TRIM8: variants seen among roughly 807,000 people sequenced by gnomAD.
The protein encoded by TRIM8 is E3 ubiquitin-protein ligase TRIM8.
A neutral mutation model predicts 55.7 loss-of-function variants in TRIM8; 9 were observed. That is an observed-to-expected ratio of 0.16 (90% CI 0.10 to 0.28). The LOEUF (loss-of-function observed/expected upper bound fraction) is 0.28, where lower values mean the gene tolerates loss of function less well. Ranked by LOEUF, TRIM8 falls within the 10% of genes least tolerant of loss-of-function variation. The pLI is 1.00. For synonymous variants in TRIM8, 335 were observed against 333.3 expected (o/e 1.01, Z -0.06); for missense variants, 556 against 736.4 (o/e 0.76, Z 2.83).
chr10:102,644,910 G>T lies in TRIM8; in HGVS notation c.293G>T (p.Gly98Val), dbSNP rs1412974161. Reference protein sequence around the residue: ...AALHCVFCRRGPPLPAQKVCL... With the variant: ...AALHCVFCRRVPPLPAQKVCL... Reference sequence around the variant, plus strand: ...CTGCACTGCGTGTTCTGCCGCCGCGGCCCCCCGCTGCCCGCGCAGAAGGTC... The same window carrying T: ...CTGCACTGCGTGTTCTGCCGCCGCGTCCCCCCGCTGCCCGCGCAGAAGGTC... Residue 98 changes from glycine (G) to valine (V), a missense_variant, in exon 1 of 6, where the codon GGC (glycine) becomes GTC (valine). Around this residue, in one of 2 missense-constraint regions of TRIM8, gnomAD observed 165 missense variants for 295.3 expected, o/e 0.56. Transcript: ENST00000643721. 6.2e-7 allele frequency: 1 copy of T among 1,605,888 alleles called. No homozygotes were observed. Among genetic ancestry groups the T allele is most frequent in the East Asian group, 2.2e-5 (1 of 44,526 alleles).
Position 102,645,168 on chromosome 10 carries a change from T to C in TRIM8, c.551T>C (p.Ile184Thr), listed in dbSNP as rs531823754. The C allele has an allele frequency of 1.3e-6, 2 of 1,553,584 alleles. No homozygotes were observed. The highest frequency in any genetic ancestry group is 2.7e-5 in the African/African-American group (2 of 73,144). The change falls in exon 1 of 6, where the codon ATC becomes ACC. Residue 184 changes from isoleucine (I) to threonine (T), a missense_variant. Transcript: ENST00000643721. ...HQGHSVCDVE[I>T]RRNEIRKMLM... ...GGACACTCGGTGTGCGACGTGGAGA[T>C]CCGAAGGAATGAAATCCGGGCAAGT...
At position 102,656,185 on chromosome 10, in the gene TRIM8, AG is replaced by A. The variant is rs776817957; in HGVS notation, c.932+54del. The stretch of plus-strand genomic sequence containing the variant: ...CCCGGGGGCACATCCTGGGGAGGGC[AG>A]GGGGGCCAGGCCCATGGCGGGGAGG... On this transcript the variant is annotated intron_variant, in intron 4 of 5. Coordinates refer to ENST00000643721, the MANE Select transcript of TRIM8 (RefSeq NM_030912.3). This position sits in a 1 kb window ranked among gnomAD's most constrained non-coding sequence, Gnocchi z 4.6. 3 of 1,614,078 alleles carry A rather than the reference AG, an allele frequency of 1.9e-6. No individual in the cohort carries two copies. Among genetic ancestry groups the A allele is most frequent in the South Asian group, 1.1e-5 (1 of 91,086 alleles).
chr10:102,645,562 C>G, intron 1 of TRIM8: 1 of 194,186 alleles, frequency 5.1e-6, no homozygotes, highest in Non-Finnish European at 1.0e-5. Flanking sequence ...GCCTCTCCAG[C>G]TGCTGTTTAT....
intron 1 of TRIM8, chr10:102,645,865 A>T (rs1203858427): frequency 6.6e-6 from 1 of 152,208 alleles, no homozygotes; most frequent in Non-Finnish European, 1.5e-5. Context: ...CACGGGCCGC[A>T]TGAACAAGCC....
rs1356911568 is a variant in TRIM8, at chr10:102,648,031, T to C, written c.570+2844T>C. On this transcript the variant is annotated intron_variant, in intron 1 of 5. Transcript: ENST00000643721. ...CTAATCTTCCCTTGGGAAGCCAGTG[T>C]GTCGGCCACATTGCCGAGGCCTGGA... is the stretch of plus-strand genomic sequence containing the variant. Among the ~76,000 whole-genome samples, 5 of 152,218 alleles carry C rather than the reference T, an allele frequency of 3.3e-5. No individual in the cohort carries two copies. The East Asian group carries it at 9.6e-4, about 29-fold the overall frequency.
At chr10:102,649,535 T>G (rs2063963785) in intron 1 of TRIM8, among the ~76,000 whole-genome samples, 1 of 152,210 alleles carries the variant, frequency 6.6e-6, no homozygotes, top group Non-Finnish European at 1.5e-5. Context: ...TGGGAAAGCC[T>G]TCCTTTCCCG....
chr10:102,652,804 C>A (rs1590107852), intron 1 of TRIM8, among the ~76,000 whole-genome samples: 1 of 144,112 alleles, frequency 6.9e-6, no homozygotes, highest in Admixed American at 6.9e-5. Flanking sequence ...CGATACTTAA[C>A]TTTTTTTTTT....
chr10:102,656,965 C>G lies in TRIM8; in HGVS notation c.1267C>G (p.Gln423Glu). Residue 423 changes from glutamine (Q) to glutamate (E), a missense_variant, in exon 6 of 6, where the codon CAG becomes GAG. Gln to Glu is a conservative substitution (Grantham distance 29). This residue lies in a region of TRIM8 where 391 missense variants were observed against 441.0 expected (regional missense o/e 0.89). Coordinates refer to ENST00000643721, the MANE Select transcript of TRIM8 (RefSeq NM_030912.3). The surrounding 1 kb of genome is among the most constrained non-coding windows in gnomAD (Gnocchi z 4.6). ...GQPLGPCSSTQHLVALPGGAQ... is the reference protein window; with the variant it reads ...GQPLGPCSSTEHLVALPGGAQ... ...GCCCCTGGGGCCCTGCAGCTCCACG[C>G]AGCACTTGGTGGCCCTGCCGGGCGG... 1 of 1,612,410 alleles carries G rather than the reference C, an allele frequency of 6.2e-7. No homozygotes were observed. Among genetic ancestry groups the G allele is most frequent in the Non-Finnish European group, 8.5e-7 (1 of 1,179,514 alleles).
rs945643150 is a variant in TRIM8, at chr10:102,657,096, C to T, written c.1398C>T (p.Leu466=). The T allele has an allele frequency of 9.3e-6, 15 of 1,613,798 alleles. No individual in the cohort carries two copies. Among genetic ancestry groups the T allele is most frequent in the Non-Finnish European group, 1.2e-5 (14 of 1,179,998 alleles). ...CCCAGTATGGCGGCCGCAAGATTCT[C>T]GTCTGTTCTGTGGACAACTGTTACT... The part of the protein sequence containing the change: ...MLPQYGGRKI[L]VCSVDNCYCS... The change falls in exon 6 of 6, where the codon CTC becomes CTT. Residue 466 remains leucine, a synonymous_variant. Coordinates refer to ENST00000643721, the MANE Select transcript of TRIM8 (RefSeq NM_030912.3).
chr10:102,656,625 C>T lies in TRIM8; in HGVS notation c.1049-122C>T, dbSNP rs117111321. 13 of 1,435,570 alleles carry T rather than the reference C, an allele frequency of 9.1e-6. No individual in the cohort carries two copies. The East Asian group carries it at 2.3e-4, about 26-fold the overall frequency. The allele number at this position is 1,435,570 out of a possible 1,614,324, so 88.9% of individuals were successfully genotyped here. A position where few individuals can be genotyped will look rare whatever the true frequency, so the allele number is the denominator to read the frequency against. ...CTCCTAATGGTAGAGGAGCAAGCAT[C>T]ACCTGAGATGTAACATTCTTGGGCC... is the stretch of plus-strand genomic sequence containing the variant. On this transcript the variant is annotated intron_variant, in intron 5 of 5. Coordinates refer to ENST00000643721, the MANE Select transcript of TRIM8 (RefSeq NM_030912.3). This position sits in a 1 kb window ranked among gnomAD's most constrained non-coding sequence, Gnocchi z 4.6.
In TRIM8 at chr10:102,657,649, T is replaced by C. The variant is rs1002345041; in HGVS notation, c.*295T>C. 1.7e-5 allele frequency: 5 copies of C among 298,612 alleles called. No homozygotes were observed. Among genetic ancestry groups the C allele is most frequent in the Non-Finnish European group, 3.1e-5 (5 of 161,348 alleles). 18.5% of individuals were successfully genotyped at this position (298,612 alleles called of 1,614,324 possible). ...AGGCGCTGAGCTCTCTCTCTGTTTC[T>C]CCTTTTTTCCTCTACTCCTTCCCCT... On this transcript the variant is annotated 3_prime_UTR_variant, in exon 6 of 6. Coordinates refer to ENST00000643721, the MANE Select transcript of TRIM8 (RefSeq NM_030912.3).
At position 102,655,146 on chromosome 10, in the gene TRIM8, G is replaced by A. The variant is rs151255928; in HGVS notation, c.733G>A (p.Glu245Lys). Reference sequence around the variant, plus strand: ...CGAGAAGCTGCACCAGCTGCTGGACGAGGACCTGCGGCAGACAGTGGAGGT... The same window carrying A: ...CGAGAAGCTGCACCAGCTGCTGGACAAGGACCTGCGGCAGACAGTGGAGGT... ...QYEKLHQLLD[E>K]DLRQTVEVLD... Residue 245 changes from glutamate to lysine, a missense_variant, in exon 3 of 6, where the codon GAG (glutamate) becomes AAG (lysine). Physicochemically the swap from Glu to Lys is moderately conservative, Grantham distance 56. Around this residue, in one of 2 missense-constraint regions of TRIM8, gnomAD observed 391 missense variants for 441.0 expected, o/e 0.89. Coordinates refer to ENST00000643721, the MANE Select transcript of TRIM8 (RefSeq NM_030912.3). The A allele has an allele frequency of 3.7e-6, 6 of 1,612,062 alleles. No homozygotes were observed. The African/African-American group carries it at 4.0e-5, about 11-fold the overall frequency.
At chr10:102,647,033 CT>C (rs2063941974) in intron 1 of TRIM8, among the ~76,000 whole-genome samples, 1 of 152,206 alleles carries the variant, frequency 6.6e-6, no homozygotes, top group African/African-American at 2.4e-5. Flanking sequence ...TTTTGAATGT[CT>C]TTGAGACTGT....
chr10:102,649,908 G>T (rs995425520), intron 1 of TRIM8, among the ~76,000 whole-genome samples: 1 of 152,184 alleles, frequency 6.6e-6, no homozygotes, highest in Admixed American at 6.5e-5. Flanking sequence ...CAGGGACCAG[G>T]GGGAGGAGTA....
In TRIM8 at chr10:102,645,211, G is replaced by GCA. The variant is rs754322583; in HGVS notation, c.570+39_570+40dup. The GCA allele has an allele frequency of 9.3e-4, 1,307 of 1,407,496 alleles. 1 individual carries two copies. The East Asian group carries it at 0.01, about 11-fold the overall frequency. 87.2% of individuals were successfully genotyped at this position (1,407,496 alleles called of 1,614,324 possible). A position where few individuals can be genotyped will look rare whatever the true frequency, so the allele number is the denominator to read the frequency against. On this transcript the variant is annotated intron_variant, in intron 1 of 5. Transcript: ENST00000643721. ...GGGCAAGTACCCTACGCGCGCGCGCGCACACACACACACACAGACACACAG... is the reference window on the plus strand; with the variant it reads ...GGGCAAGTACCCTACGCGCGCGCGCGCACACACACACACACACAGACACACAG...
intron 1 of TRIM8, among the ~76,000 whole-genome samples, chr10:102,648,426 C>T (rs1029339351): frequency 6.6e-6 from 1 of 152,082 alleles, no homozygotes; most frequent in Non-Finnish European, 1.5e-5. Flanking sequence ...CCCTGGTGTC[C>T]CAGAGCAAGG....
Position 102,656,638 on chromosome 10 carries a change from A to G in TRIM8, c.1049-109A>G, listed in dbSNP as rs1036129256. 1.4e-5 allele frequency: 21 copies of G among 1,472,422 alleles called. No homozygotes were observed. Among genetic ancestry groups the G allele is most frequent in the Non-Finnish European group, 1.9e-5 (21 of 1,099,520 alleles). 91.2% of individuals were successfully genotyped at this position (1,472,422 alleles called of 1,614,324 possible). A position where few individuals can be genotyped will look rare whatever the true frequency, so the allele number is the denominator to read the frequency against. On this transcript the variant is annotated intron_variant, in intron 5 of 5. Transcript: ENST00000643721. This position sits in a 1 kb window ranked among gnomAD's most constrained non-coding sequence, Gnocchi z 4.6. ...AGGAGCAAGCATCACCTGAGATGTA[A>G]CATTCTTGGGCCTCTAGGTGTCAAT...
chr10:102,651,807 G>A (rs753703443), intron 1 of TRIM8, among the ~76,000 whole-genome samples: 2 of 152,256 alleles, frequency 1.3e-5, no homozygotes, highest in Non-Finnish European at 2.9e-5. Flanking sequence ...TGGCCACCTC[G>A]CCATCGTGCC....
chr10:102,656,246 A>C lies in TRIM8; in HGVS notation c.933-24A>C, dbSNP rs1323248452. ...CTCACCGGTGATGCCTCCTCACAGC[A>C]GATGCCCCGTCCACTGCCCCCAGGA... On this transcript the variant is annotated intron_variant, in intron 4 of 5. Coordinates refer to ENST00000643721, the MANE Select transcript of TRIM8 (RefSeq NM_030912.3). The surrounding 1 kb of genome is among the most constrained non-coding windows in gnomAD (Gnocchi z 4.6). 2 of 1,613,998 alleles carry C rather than the reference A, an allele frequency of 1.2e-6. No homozygotes were observed. Among genetic ancestry groups the C allele is most frequent in the Non-Finnish European group, 1.7e-6 (2 of 1,180,008 alleles).
Sources: gnomAD v4.1 joint callset for allele counts (sites outside exome capture counted in the v4.1 genomes callset) on GRCh38, gnomAD v4.1.1 for gene constraint, gnomAD v4.1.1 regional missense constraint, Gnocchi (gnomAD v3.1) non-coding constraint, MANE v1.5 for transcripts, NCBI Gene and HGNC (gene_info 2026-07-23, HGNC 2026-07-21) for gene names.